Variants in TBCK observed in about 807,000 individuals in gnomAD.
TBCK encodes the protein TBC domain-containing protein kinase-like protein.
TBCK carries 99 observed loss-of-function variants against 113.4 expected under a neutral mutation model. That is an observed-to-expected ratio of 0.87 (90% CI 0.74 to 1.03). The LOEUF is 1.03. Ranked by LOEUF, TBCK falls within the 50% of genes least tolerant of loss-of-function variation. The probability of loss-of-function intolerance (pLI) is 0.00; values close to 1 mark genes in which losing one functional copy is unlikely to be tolerated. For missense variants in TBCK, 1,045 were observed against 1,061.3 expected, an observed-to-expected ratio of 0.98 and a Z score of 0.21; for synonymous variants, 369 against 370.8, an observed-to-expected ratio of 1.00 and a Z score of 0.05.
At chr4:106,110,735 C>T (rs1295288341) in intron 24 of TBCK, among the ~76,000 whole-genome samples, 2 of 152,182 alleles carry the variant, frequency 1.3e-5, no homozygotes, top group South Asian at 2.1e-4. Flanking sequence ...TCCTACTCTA[C>T]ACAGAAGAGC....
chr4:106,174,833 A>T (rs961124576), intron 22 of TBCK, among the ~76,000 whole-genome samples: 1 of 151,992 alleles, frequency 6.6e-6, no homozygotes, highest in Admixed American at 6.6e-5. Flanking sequence ...TATCAATTTC[A>T]ATTTCCAGGC....
At chr4:106,229,605 C>T (rs1203238804) in intron 19 of TBCK, among the ~76,000 whole-genome samples, 1 of 151,964 alleles carries the variant, frequency 6.6e-6, no homozygotes, top group Non-Finnish European at 1.5e-5. Flanking sequence ...GTCTATGTGT[C>T]TGTTTTTATG....
At chr4:106,179,341 T>G (rs1169857062) in intron 22 of TBCK, among the ~76,000 whole-genome samples, 1 of 152,072 alleles carries the variant, frequency 6.6e-6, no homozygotes, top group Non-Finnish European at 1.5e-5. Flanking sequence ...GTTCTTTATT[T>G]GAATTATTTC....
intron 24 of TBCK, among the ~76,000 whole-genome samples, chr4:106,114,647 G>C (rs996259022): frequency 6.6e-6 from 1 of 151,966 alleles, no homozygotes; most frequent in Admixed American, 6.6e-5. Context: ...GTTCGGCCAG[G>C]GTCTGCAGAT....
rs745804699 is a variant in TBCK, at chr4:106,233,559, TA to T, written c.1512+28del. On this transcript the variant is annotated intron_variant, in intron 16 of 25. Transcript: ENST00000394708. Reference sequence around the variant, plus strand: ...ATTTAAATATTTGGCAGAATTATCTTAGGTTGCTTAAGAAAACCTAAATCAT... The same window carrying T: ...ATTTAAATATTTGGCAGAATTATCTTGGTTGCTTAAGAAAACCTAAATCAT... 1.9e-6 allele frequency: 3 copies of T among 1,581,144 alleles called. No homozygotes were observed. In the African/African-American group the frequency reaches 4.1e-5, roughly 21 times the overall value.
chr4:106,175,112 G>A (rs1230642081), intron 22 of TBCK, among the ~76,000 whole-genome samples: 4 of 148,564 alleles, frequency 2.7e-5, no homozygotes, highest in African/African-American at 9.9e-5. Context: ...CTCCAGCCTG[G>A]CTACAGAGCA....
At chr4:106,070,689 T>C (rs1167095149) in intron 25 of TBCK, among the ~76,000 whole-genome samples, 2 of 152,194 alleles carry the variant, frequency 1.3e-5, no homozygotes, top group African/African-American at 2.4e-5. Flanking sequence ...CCCCTTTTTC[T>C]ATTGATTGGA....
chr4:106,277,250 A>G (rs1316410631), intron 3 of TBCK, among the ~76,000 whole-genome samples: 1 of 152,208 alleles, frequency 6.6e-6, no homozygotes, highest in Middle Eastern at 3.2e-3. Flanking sequence ...TGTAAAAGGT[A>G]TAACATTTTG....
chr4:106,173,158 A>T (rs1751235009), intron 22 of TBCK, among the ~76,000 whole-genome samples: 1 of 152,166 alleles, frequency 6.6e-6, no homozygotes. Flanking sequence ...AACAGAGTGA[A>T]ACAAGCTTTG....
At chr4:106,205,205 T>G (rs1755332573) in intron 20 of TBCK, among the ~76,000 whole-genome samples, 1 of 152,208 alleles carries the variant, frequency 6.6e-6, no homozygotes, top group Non-Finnish European at 1.5e-5. Context: ...AATCACTTTT[T>G]GGAGAAGACC....
At chr4:106,112,964 G>A (rs554406507) in intron 24 of TBCK, among the ~76,000 whole-genome samples, 2 of 152,300 alleles carry the variant, frequency 1.3e-5, no homozygotes, top group African/African-American at 4.8e-5. Context: ...GTTAACCCTA[G>A]AGGACTAGAA....
At chr4:106,217,619 T>C (rs1351692316) in intron 19 of TBCK, among the ~76,000 whole-genome samples, 1 of 150,954 alleles carries the variant, frequency 6.6e-6, no homozygotes, top group East Asian at 2.0e-4. Flanking sequence ...CCATTCACAA[T>C]TGCTTCAAAG....
chr4:106,116,544 C>A (rs551140375), intron 23 of TBCK, among the ~76,000 whole-genome samples, 166 bp from the exon 24 acceptor site: 2 of 152,276 alleles, frequency 1.3e-5, no homozygotes, highest in Non-Finnish European at 2.9e-5. Context: ...AACCCCCAGG[C>A]CATGGACTGG....
chr4:106,196,386 GGCT>G (rs1481745527), intron 20 of TBCK, among the ~76,000 whole-genome samples: 2 of 151,892 alleles, frequency 1.3e-5, no homozygotes, highest in African/African-American at 4.8e-5. Context: ...AGTTAATACA[GGCT>G]GCTATTAAAG....
intron 2 of TBCK, among the ~76,000 whole-genome samples, chr4:106,302,650 C>T (rs968355467): frequency 9.9e-5 from 15 of 151,728 alleles, no homozygotes; most frequent in Non-Finnish European, 2.9e-5. Context: ...CAGGCCTCTG[C>T]CAAATTTACA....
At chr4:106,280,141 T>C (rs1181753126) in intron 3 of TBCK, among the ~76,000 whole-genome samples, 1 of 152,150 alleles carries the variant, frequency 6.6e-6, no homozygotes, top group African/African-American at 2.4e-5. Context: ...TGGAGTGAGA[T>C]GATATCTTAG....
At chr4:106,316,543 C>G, upstream of TBCK, 2 of 1,551,576 alleles carry the variant, frequency 1.3e-6, no homozygotes, top group Middle Eastern at 1.7e-4. Context: ...GGTGGCTGGA[C>G]CTACATGCTT....
intron 20 of TBCK, among the ~76,000 whole-genome samples, chr4:106,195,576 C>T (rs1754138571): frequency 6.6e-6 from 1 of 151,466 alleles, no homozygotes; most frequent in Non-Finnish European, 1.5e-5. Context: ...ACTGTCCTCT[C>T]CAGTGTGGGT....
chr4:106,121,139 C>A (rs1214260070), intron 23 of TBCK, among the ~76,000 whole-genome samples: 1 of 151,938 alleles, frequency 6.6e-6, no homozygotes, highest in African/African-American at 2.4e-5. Flanking sequence ...ATCTCACGTG[C>A]AGAGACACAC....
Sources: allele counts gnomAD v4.1 joint callset (sites outside exome capture counted in the v4.1 genomes callset), GRCh38; gene constraint gnomAD v4.1.1; transcripts MANE v1.5; gene names NCBI Gene and HGNC (gene_info 2026-07-23, HGNC 2026-07-21).